The following SLC71A1 variants were observed in gnomAD, a reference collection of about 807,000 sequenced individuals.
SLC71A1 encodes hippocampus abundant gene transcript 1.
At chr1:100,077,124 T>G in the SLC71A1 span, 1 of 1,003,118 alleles carries the variant, frequency 1.0e-6, no homozygotes, top group Admixed American at 2.3e-5. Context: ...AAGTCACTTT[T>G]TAAAACTTTA....
At chr1:100,041,182 G>A in the SLC71A1 span, among the ~76,000 whole-genome samples, 1 of 152,136 alleles carries the variant, frequency 6.6e-6, no homozygotes, top group Non-Finnish European at 1.5e-5. Context: ...AACGGCTGAA[G>A]AAATAAATCC....
At chr1:100,041,853 G>A in the SLC71A1 span, among the ~76,000 whole-genome samples, 1 of 152,142 alleles carries the variant, frequency 6.6e-6, no homozygotes, top group South Asian at 2.1e-4. Flanking sequence ...GAACCTGGGA[G>A]GCCAAGATTG....
chr1:100,065,779 C>T, the SLC71A1 span, among the ~76,000 whole-genome samples: 1 of 151,036 alleles, frequency 6.6e-6, no homozygotes, highest in Non-Finnish European at 1.5e-5. Context: ...CTCCTCCTCT[C>T]CTTTCCTTTC....
At chr1:100,041,185 A>G in the SLC71A1 span, among the ~76,000 whole-genome samples, 1 of 152,248 alleles carries the variant, frequency 6.6e-6, no homozygotes, top group Non-Finnish European at 1.5e-5. Flanking sequence ...GGCTGAAGAA[A>G]TAAATCCTTC....
At chr1:100,062,097 T>A in the SLC71A1 span, 1 of 558,556 alleles carries the variant, frequency 1.8e-6, no homozygotes, top group Non-Finnish European at 3.1e-6. Context: ...AGACTACATT[T>A]AAAATTTTTT....
chr1:100,072,916 C>T, the SLC71A1 span, among the ~76,000 whole-genome samples: 3 of 152,154 alleles, frequency 2.0e-5, no homozygotes, highest in Admixed American at 2.0e-4. Context: ...GTGACTCCCA[C>T]ACTTACTCTT....
the SLC71A1 span, chr1:100,058,736 C>G: frequency 6.6e-7 from 1 of 1,515,468 alleles, no homozygotes; most frequent in African/African-American, 1.4e-5. Flanking sequence ...AAGGTAGGAT[C>G]AGTCATACAT....
chr1:100,042,861 C>T, the SLC71A1 span, among the ~76,000 whole-genome samples: 5 of 152,248 alleles, frequency 3.3e-5, no homozygotes, highest in South Asian at 1.0e-3. Context: ...CCACCTGCCT[C>T]AGTCTTCCAA....
the SLC71A1 span, among the ~76,000 whole-genome samples, chr1:100,051,346 G>A: frequency 6.6e-6 from 1 of 151,940 alleles, no homozygotes; most frequent in Non-Finnish European, 1.5e-5. Flanking sequence ...AGCCGAGACT[G>A]CACCACTACC....
the SLC71A1 span, among the ~76,000 whole-genome samples, chr1:100,054,131 G>A: frequency 1.4e-5 from 2 of 144,286 alleles, no homozygotes; most frequent in African/African-American, 2.6e-5. Context: ...AACCTCCACC[G>A]CCAAGGTTCA....
chr1:100,063,993 T>C, the SLC71A1 span, among the ~76,000 whole-genome samples: 3 of 152,146 alleles, frequency 2.0e-5, no homozygotes, highest in African/African-American at 7.2e-5. Flanking sequence ...AGAACCATTT[T>C]CCCTTTCCCC....
chr1:100,049,277 A>G, the SLC71A1 span, among the ~76,000 whole-genome samples: 2 of 147,958 alleles, frequency 1.4e-5, no homozygotes, highest in South Asian at 2.1e-4. Flanking sequence ...CTTTTGAGCC[A>G]TGTTGATATC....
the SLC71A1 span, among the ~76,000 whole-genome samples, chr1:100,070,233 A>G: frequency 6.6e-6 from 1 of 152,214 alleles, no homozygotes; most frequent in East Asian, 1.9e-4. Flanking sequence ...GCAAGGTGAC[A>G]TTTCAGCAGA....
chr1:100,055,172 C>T, the SLC71A1 span, among the ~76,000 whole-genome samples: 1 of 152,146 alleles, frequency 6.6e-6, no homozygotes, highest in Non-Finnish European at 1.5e-5. Context: ...CAAACCTGTT[C>T]TTCATACCTA....
chr1:100,054,296 C>T, the SLC71A1 span, among the ~76,000 whole-genome samples: 28 of 152,122 alleles, frequency 1.8e-4, no homozygotes, highest in African/African-American at 6.5e-4. Flanking sequence ...TCACTGCAAC[C>T]TTCGCCTCCC....
At chr1:100,062,055 G>C in the SLC71A1 span, 2 of 664,064 alleles carry the variant, frequency 3.0e-6, no homozygotes, top group Admixed American at 3.4e-5. Flanking sequence ...AGATTTTTGC[G>C]TAAAATATAT....
chr1:100,054,829 G>A, the SLC71A1 span, among the ~76,000 whole-genome samples: 3 of 152,026 alleles, frequency 2.0e-5, no homozygotes, highest in East Asian at 3.8e-4. Context: ...TACAACATTC[G>A]AATTACTTGT....
At chr1:100,051,180 CAA>C in the SLC71A1 span, among the ~76,000 whole-genome samples, 1 of 151,586 alleles carries the variant, frequency 6.6e-6, no homozygotes, top group East Asian at 1.9e-4. Flanking sequence ...ATCACGAGGT[CAA>C]GAGATTGAGA....
the SLC71A1 span, among the ~76,000 whole-genome samples, chr1:100,046,817 G>A: frequency 6.6e-6 from 1 of 152,060 alleles, no homozygotes; most frequent in African/African-American, 2.4e-5. Context: ...TTTATTCTTA[G>A]GTATTACATC....
Sources: allele counts gnomAD v4.1 joint callset (sites outside exome capture counted in the v4.1 genomes callset), GRCh38; gene constraint gnomAD v4.1.1; transcripts MANE v1.5; gene names NCBI Gene and HGNC (gene_info 2026-07-23, HGNC 2026-07-21).